The following ADAM23 variants were observed in gnomAD, a reference collection of about 807,000 sequenced individuals.
The protein encoded by ADAM23 is disintegrin and metalloproteinase domain-containing protein 23.
ADAM23 carries 33 observed loss-of-function variants against 120.1 expected under a neutral mutation model. That is an observed-to-expected ratio of 0.27 (90% confidence interval 0.21 to 0.37). The LOEUF (loss-of-function observed/expected upper bound fraction) is 0.37. ADAM23 is among the 10% of genes least tolerant of loss of function. The pLI is 1.00. For missense variants in ADAM23, 862 were observed against 1,058.2 expected, an observed-to-expected ratio of 0.81 and a Z score of 2.57; for synonymous variants, 367 against 375.2, an observed-to-expected ratio of 0.98 and a Z score of 0.25.
In ADAM23 at chr2:206,548,264, A is replaced by AT; in HGVS notation, c.794-12dup. The AT allele has an allele frequency of 6.2e-7, 1 of 1,609,974 alleles. No homozygotes were observed. ...AAATAAGCATAAAATTTTGATACTA[A>AT]TTTTTCCTTTCTGCAGCTATGGAAA... On this transcript the variant is annotated splice_polypyrimidine_tract_variant and intron_variant, in intron 7 of 25. Coordinates refer to ENST00000264377, the MANE Select transcript of ADAM23 (RefSeq NM_003812.4).
At chr2:206,578,003 C>T (rs1027047306) in intron 18 of ADAM23, among the ~76,000 whole-genome samples, 2 of 152,086 alleles carry the variant, frequency 1.3e-5, no homozygotes, top group African/African-American at 2.4e-5. Flanking sequence ...TTGCATTTCT[C>T]TGATGGCCAG....
At chr2:206,525,692 A>C (rs532978347) in intron 3 of ADAM23, among the ~76,000 whole-genome samples, 1 of 152,156 alleles carries the variant, frequency 6.6e-6, no homozygotes, top group Admixed American at 6.5e-5. Flanking sequence ...CACAGGTTCA[A>C]GCAATTCTCC....
intron 4 of ADAM23, among the ~76,000 whole-genome samples, chr2:206,536,205 C>T (rs1418637928): frequency 6.6e-6 from 1 of 151,834 alleles, no homozygotes; most frequent in African/African-American, 2.4e-5. Context: ...AGGCCGAATG[C>T]TATTCCATTG....
Position 206,588,073 on chromosome 2 carries a change from G to A in ADAM23, c.1789-18G>A, listed in dbSNP as rs1698357221. 3 of 1,613,948 alleles carry A rather than the reference G, an allele frequency of 1.9e-6. No homozygotes were observed. Among genetic ancestry groups the A allele is most frequent in the East Asian group, 4.5e-5 (2 of 44,870 alleles). ...CAAACTGACTCTGTGTGCCTCACATGTGTGCTCCTGTCCCCAGGGCCGCTG... is the reference window on the plus strand; with the variant it reads ...CAAACTGACTCTGTGTGCCTCACATATGTGCTCCTGTCCCCAGGGCCGCTG... On this transcript the variant is annotated intron_variant, in intron 19 of 25. Transcript: ENST00000264377.
chr2:206,571,810 A>C lies in ADAM23; in HGVS notation c.1650A>C (p.Ser550=). ...CSDGPCCNNT[S]CLFQPRGYEC... ...ACGGGCCCTGCTGTAACAATACCTC[A>C]TGTCTTGTGAGTTTTCTGACAGTTT... The change falls in exon 17 of 26, where the codon TCA becomes TCC. Residue 550 remains serine (S), a synonymous_variant. Transcript: ENST00000264377. The C allele has an allele frequency of 6.2e-7, 1 of 1,613,388 alleles. No homozygotes were observed. Among genetic ancestry groups the C allele is most frequent in the Non-Finnish European group, 8.5e-7 (1 of 1,179,450 alleles).
chr2:206,556,826 G>A (rs929494810), intron 9 of ADAM23, among the ~76,000 whole-genome samples: 2 of 152,052 alleles, frequency 1.3e-5, no homozygotes, highest in African/African-American at 4.8e-5. Context: ...TATACTAAAT[G>A]CCTGGCAAAT....
At chr2:206,574,402 CTT>C (rs79570605) in intron 18 of ADAM23, among the ~76,000 whole-genome samples, 7 of 128,622 alleles carry the variant, frequency 5.4e-5, no homozygotes, top group Non-Finnish European at 6.8e-5. Flanking sequence ...GTGTGGTTTT[CTT>C]TTTTTTTTTT....
chr2:206,449,138 G>A (rs1195411496), intron 2 of ADAM23, among the ~76,000 whole-genome samples: 1 of 152,162 alleles, frequency 6.6e-6, no homozygotes, highest in African/African-American at 2.4e-5. Flanking sequence ...TACTTGGTGT[G>A]TGGGGAAAAC....
At chr2:206,591,622 G>A (rs1698427336) in intron 21 of ADAM23, among the ~76,000 whole-genome samples, 1 of 152,068 alleles carries the variant, frequency 6.6e-6, no homozygotes, top group South Asian at 2.1e-4. Context: ...TCTTGTATAT[G>A]TAACCTAGTG....
chr2:206,544,167 T>A (rs1178902718), intron 6 of ADAM23, among the ~76,000 whole-genome samples: 1 of 152,210 alleles, frequency 6.6e-6, no homozygotes, highest in Admixed American at 6.5e-5. Flanking sequence ...CTTTAGACAA[T>A]TGTGTGACTA....
intron 14 of ADAM23, among the ~76,000 whole-genome samples, chr2:206,566,598 G>C (rs980956367): frequency 6.6e-6 from 1 of 152,054 alleles, no homozygotes; most frequent in African/African-American, 2.4e-5. Flanking sequence ...TCACCAAATA[G>C]TATTTGAAAT....
chr2:206,571,500 T>A (rs1559270105), intron 16 of ADAM23, among the ~76,000 whole-genome samples: 2 of 151,752 alleles, frequency 1.3e-5, no homozygotes, highest in East Asian at 3.9e-4. Flanking sequence ...AAAAAAAAAA[T>A]AAAGCTTTCT....
At chr2:206,525,838 C>T (rs189093071) in intron 3 of ADAM23, among the ~76,000 whole-genome samples, 2 of 152,214 alleles carry the variant, frequency 1.3e-5, no homozygotes, top group East Asian at 3.9e-4. Flanking sequence ...GATCCGCCTG[C>T]CTCAGTCTCC....
rs138935676 is a variant in ADAM23, at chr2:206,587,811, G to A, written c.1789-280G>A. Among the ~76,000 whole-genome samples, 464 of 152,188 alleles carry A rather than the reference G, an allele frequency of 3.0e-3. 2 individuals carry two copies. The highest frequency in any genetic ancestry group is 0.011 in the African/African-American group (442 of 41,530). ...ACAAAAGAAGCTAAAAATCATTTTG[G>A]TGTCTCTCACAGAAATGTACCAATT... is the stretch of plus-strand genomic sequence containing the variant. On this transcript the variant is annotated intron_variant, in intron 19 of 25. Coordinates refer to ENST00000264377, the MANE Select transcript of ADAM23 (RefSeq NM_003812.4).
At chr2:206,494,129 C>T (rs1023423186) in intron 3 of ADAM23, among the ~76,000 whole-genome samples, 1 of 152,152 alleles carries the variant, frequency 6.6e-6, no homozygotes, top group African/African-American at 2.4e-5. Flanking sequence ...TGTGCTGAGA[C>T]TATGTAAGAT....
At chr2:206,599,809 C>T (rs1231772863) in intron 24 of ADAM23, among the ~76,000 whole-genome samples, 1 of 152,178 alleles carries the variant, frequency 6.6e-6, no homozygotes, top group East Asian at 1.9e-4. Flanking sequence ...TGTTGCCTTG[C>T]CGACGAGTAA....
At chr2:206,617,477 C>A in intron 25 of ADAM23, 102 bp from the exon 26 acceptor site, 3 of 1,310,746 alleles carry the variant, frequency 2.3e-6, no homozygotes, top group Non-Finnish European at 3.1e-6. Flanking sequence ...TGCTCTGGAA[C>A]TAGCATTATT....
chr2:206,525,439 A>G (rs1279805726), intron 3 of ADAM23, among the ~76,000 whole-genome samples: 2 of 152,170 alleles, frequency 1.3e-5, no homozygotes, highest in Non-Finnish European at 2.9e-5. Flanking sequence ...TTGTGGTCCA[A>G]TGTATATCTT....
chr2:206,577,704 A>G (rs1698142470), intron 18 of ADAM23, among the ~76,000 whole-genome samples: 1 of 148,840 alleles, frequency 6.7e-6, no homozygotes, highest in African/African-American at 2.5e-5. Flanking sequence ...GCTATTGTGA[A>G]TAGTGCCACA....
Sources: allele counts gnomAD v4.1 joint callset (sites outside exome capture counted in the v4.1 genomes callset), GRCh38; gene constraint gnomAD v4.1.1; transcripts MANE v1.5; gene names NCBI Gene and HGNC (gene_info 2026-07-23, HGNC 2026-07-21).